The following TANGO6 variants were observed in gnomAD, a reference collection of about 807,000 sequenced individuals.
The protein encoded by TANGO6 is transport and Golgi organization protein 6 homolog.
Under a neutral mutation model 114.2 loss-of-function variants are expected in TANGO6, and 90 were observed. The ratio of observed to expected loss-of-function variants is 0.79; its 90% CI spans 0.66 to 0.94. The LOEUF (loss-of-function observed/expected upper bound fraction) is 0.94, where lower values mean the gene tolerates loss of function less well. TANGO6 is among the 40% of genes least tolerant of loss of function. TANGO6 has a pLI of 0.00. For missense variants in TANGO6, 1,274 were observed against 1,315.3 expected, an observed-to-expected ratio of 0.97 and a Z score of 0.49; for synonymous variants, 477 against 509.8, an observed-to-expected ratio of 0.94 and a Z score of 0.87.
chr16:68,902,632 AT>A, intron 9 of TANGO6, 128 bp downstream of exon 9: 1 of 793,866 alleles, frequency 1.3e-6, no homozygotes, highest in Non-Finnish European at 1.9e-6. Flanking sequence ...GGTGCCTGCT[AT>A]TTATATTCTC....
At chr16:69,056,227 T>G (rs1363701331) in intron 17 of TANGO6, among the ~76,000 whole-genome samples, 1 of 152,040 alleles carries the variant, frequency 6.6e-6, no homozygotes, top group African/African-American at 2.4e-5. Context: ...TAGATCTACA[T>G]GTGTTAGAAT....
intron 15 of TANGO6, among the ~76,000 whole-genome samples, chr16:68,987,014 C>G (rs1963898746): frequency 6.6e-6 from 1 of 152,270 alleles, no homozygotes; most frequent in East Asian, 1.9e-4. Context: ...ATCTAGCAGG[C>G]TACGGTGAGT....
intron 15 of TANGO6, among the ~76,000 whole-genome samples, chr16:69,012,923 G>A (rs9930885): frequency 0.12 from 18,560 of 152,126 alleles, 1,673 homozygotes; most frequent in African/African-American, 0.25. Flanking sequence ...ACAACAAGAA[G>A]CAACAACCAA....
intron 14 of TANGO6, among the ~76,000 whole-genome samples, chr16:68,951,872 A>G (rs1185559929): frequency 6.6e-6 from 1 of 152,150 alleles, no homozygotes; most frequent in African/African-American, 2.4e-5. Flanking sequence ...TCGGCCTCCC[A>G]AAGTGCTGAG....
chr16:68,849,973 T>C (rs1425707362), intron 1 of TANGO6, among the ~76,000 whole-genome samples: 1 of 94,876 alleles, frequency 1.1e-5, no homozygotes, highest in East Asian at 2.7e-4. Flanking sequence ...TAGCGGTTCT[T>C]TTTTTTTTTT....
chr16:68,878,054 G>C (rs1490573712), intron 5 of TANGO6, 64 bp from the exon 6 acceptor site: 3 of 1,378,470 alleles, frequency 2.2e-6, no homozygotes, highest in Non-Finnish European at 2.9e-6. Context: ...CATGCTTTTT[G>C]TTTTTAGTTA....
intron 1 of TANGO6, among the ~76,000 whole-genome samples, chr16:68,850,842 A>G (rs1002874795): frequency 2.0e-5 from 3 of 152,208 alleles, no homozygotes; most frequent in Non-Finnish European, 4.4e-5. Context: ...CATAGAGCGC[A>G]GAATTTGGTT....
intron 15 of TANGO6, among the ~76,000 whole-genome samples, chr16:69,017,450 C>T (rs35750406): frequency 7.2e-5 from 11 of 152,220 alleles, no homozygotes; most frequent in Admixed American, 1.3e-4. Context: ...TGTTCTTACC[C>T]TTTTCAACCT....
chr16:68,881,204 A>G (rs1296356295), intron 7 of TANGO6, among the ~76,000 whole-genome samples: 1 of 152,242 alleles, frequency 6.6e-6, no homozygotes, highest in African/African-American at 2.4e-5. Context: ...CGCTGATGAA[A>G]GCATGTCTAT....
chr16:68,900,255 T>C, intron 7 of TANGO6, 179 bp from the exon 8 acceptor site: 2 of 592,500 alleles, frequency 3.4e-6, no homozygotes, highest in Non-Finnish European at 6.0e-6. Context: ...TGTTTCAGCC[T>C]GTCTGCCAAA....
At chr16:68,917,554 T>G (rs1963023814) in intron 11 of TANGO6, among the ~76,000 whole-genome samples, 1 of 152,198 alleles carries the variant, frequency 6.6e-6, no homozygotes, top group Non-Finnish European at 1.5e-5. Flanking sequence ...CCTGTTGATC[T>G]CCATCCTCAC....
chr16:69,043,281 C>CGA, intron 17 of TANGO6, among the ~76,000 whole-genome samples: 1 of 101,114 alleles, frequency 9.9e-6, no homozygotes, highest in East Asian at 2.6e-4. Context: ...AGAGACAGAG[C>CGA]GAGTGTGTGT....
At chr16:68,972,237 G>C (rs953204846) in intron 14 of TANGO6, among the ~76,000 whole-genome samples, 1 of 152,042 alleles carries the variant, frequency 6.6e-6, no homozygotes, top group South Asian at 2.1e-4. Flanking sequence ...AGCAAGAAAA[G>C]ATGGGGGTGG....
Position 68,909,416 on chromosome 16 carries a change from A to G in TANGO6, c.1992+14A>G. 1 of 1,479,504 alleles carries G rather than the reference A, an allele frequency of 6.8e-7. No homozygotes were observed. Among genetic ancestry groups the G allele is most frequent in the African/African-American group, 1.4e-5 (1 of 69,420 alleles). 91.6% of individuals were successfully genotyped at this position (1,479,504 alleles called of 1,614,324 possible). On this transcript the variant is annotated intron_variant, in intron 11 of 17. Coordinates refer to ENST00000261778, the MANE Select transcript of TANGO6 (RefSeq NM_024562.2). Reference sequence around the variant, plus strand: ...AACGTCACTCAGGTCAGTAGTTGCCACATTCTGGACCGCAGCCTTTTTTTC... The same window carrying G: ...AACGTCACTCAGGTCAGTAGTTGCCGCATTCTGGACCGCAGCCTTTTTTTC...
At chr16:68,994,592 A>T (rs1360638470) in intron 15 of TANGO6, among the ~76,000 whole-genome samples, 4 of 146,398 alleles carry the variant, frequency 2.7e-5, no homozygotes. Context: ...TTTTTTTTTT[A>T]AAGACTGGTT....
intron 14 of TANGO6, among the ~76,000 whole-genome samples, chr16:68,934,226 T>C (rs1963277201): frequency 6.6e-6 from 1 of 151,904 alleles, no homozygotes; most frequent in African/African-American, 2.4e-5. Context: ...TTAAAAAACA[T>C]TTTGTAGAGA....
chr16:69,065,537 CTTTAGATGCTCTCCTCA>C (rs1284040973), intron 17 of TANGO6, among the ~76,000 whole-genome samples: 1 of 152,186 alleles, frequency 6.6e-6, no homozygotes, highest in East Asian at 1.9e-4. Flanking sequence ...CCAATTTGCA[CTTTAGATGCTCTCCTCA>C]TTTAGTAGCC....
chr16:69,033,699 G>A (rs1391543263), intron 16 of TANGO6: 1 of 152,302 alleles, frequency 6.6e-6, no homozygotes, highest in East Asian at 1.9e-4. Flanking sequence ...AGGCCCTGGG[G>A]ACCCTAAATG....
intron 14 of TANGO6, among the ~76,000 whole-genome samples, chr16:68,970,278 CAG>C (rs926746047): frequency 2.4e-4 from 36 of 152,274 alleles, no homozygotes; most frequent in African/African-American, 8.7e-4. Context: ...CTGCCCACTA[CAG>C]AGAGGAAGTC....
Sources: allele counts gnomAD v4.1 joint callset (sites outside exome capture counted in the v4.1 genomes callset), GRCh38; gene constraint gnomAD v4.1.1; transcripts MANE v1.5; gene names NCBI Gene and HGNC (gene_info 2026-07-23, HGNC 2026-07-21).